The following DLG2 variants were observed in gnomAD, a reference collection of about 807,000 sequenced individuals.
The protein encoded by DLG2 is discs large MAGUK scaffold protein 2, also known as disks large homolog 2.
DLG2 carries 45 observed loss-of-function variants against 132.5 expected under a neutral mutation model. The ratio of observed to expected loss-of-function variants is 0.34; its 90% CI spans 0.27 to 0.44. DLG2 has a LOEUF of 0.44. DLG2 is among the 20% of genes least tolerant of loss of function. The pLI, the probability that DLG2 is intolerant of heterozygous loss-of-function variation, is 1.00. For missense variants in DLG2, 1,045 were observed against 1,196.9 expected, an observed-to-expected ratio of 0.87 and a Z score of 1.87; for synonymous variants, 424 against 419.6, an observed-to-expected ratio of 1.01 and a Z score of -0.13.
At chr11:84,081,488 C>A (rs987961664) in intron 10 of DLG2, among the ~76,000 whole-genome samples, 4 of 151,800 alleles carry the variant, frequency 2.6e-5, no homozygotes, top group African/African-American at 9.7e-5. Flanking sequence ...ATTTCAAACC[C>A]AGAAATATGT....
chr11:85,517,522 C>A (rs980741178), intron 3 of DLG2, among the ~76,000 whole-genome samples: 4 of 152,070 alleles, frequency 2.6e-5, no homozygotes, highest in Non-Finnish European at 5.9e-5. Context: ...TGATCATACA[C>A]ATAGAAAACC....
chr11:85,617,153 C>T (rs1253174414), intron 2 of DLG2, among the ~76,000 whole-genome samples: 1 of 152,224 alleles, frequency 6.6e-6, no homozygotes, highest in East Asian at 1.9e-4. Flanking sequence ...GTCCAGCTCA[C>T]GGATTACCTG....
intron 10 of DLG2, among the ~76,000 whole-genome samples, chr11:84,068,981 C>G (rs2096717866): frequency 6.6e-6 from 1 of 152,168 alleles, no homozygotes; most frequent in Non-Finnish European, 1.5e-5. Context: ...CTTAAGGACC[C>G]ACTGTCAGTC....
rs1025989928 is a variant in DLG2 at position 84,756,872 on chromosome 11, C to A, written c.358-222141G>T. Among the ~76,000 whole-genome samples, 24 of 152,038 alleles carry A rather than the reference C, an allele frequency of 1.6e-4. 1 individual carries two copies. The highest frequency in any genetic ancestry group is 1.0e-3 in the Admixed American group (16 of 15,254). On this transcript the variant is annotated intron_variant, in intron 6 of 27. Transcript: ENST00000376104. The stretch of plus-strand genomic sequence containing the variant: ...CCAGAGAAGCCAAAAGATTGAACAC[C>A]ACTGGTTAATTTCCCCTAAACTGGA...
intron 16 of DLG2, among the ~76,000 whole-genome samples, chr11:83,839,820 T>C (rs1565287311): frequency 1.3e-5 from 2 of 152,222 alleles, no homozygotes; most frequent in South Asian, 2.1e-4. Flanking sequence ...CATGGTTCAA[T>C]ACCGCATTCC....
chr11:84,707,431 G>T (rs1249763850), intron 6 of DLG2, among the ~76,000 whole-genome samples: 1 of 151,854 alleles, frequency 6.6e-6, no homozygotes, highest in African/African-American at 2.4e-5. Context: ...TGACATGGAG[G>T]TGTATGTGAA....
At chr11:84,339,504 C>G (rs1467285962) in intron 7 of DLG2, among the ~76,000 whole-genome samples, 1 of 152,068 alleles carries the variant, frequency 6.6e-6, no homozygotes, top group Non-Finnish European at 1.5e-5. Flanking sequence ...TTAAGAAAAT[C>G]CTAGAGCAGA....
At position 84,151,008 on chromosome 11, in the gene DLG2, C is replaced by G. The variant is rs534182732; in HGVS notation, c.624+12453G>C. ...TGGATGTGCTGCTGGATTCAGTTTG[C>G]TAGTATTTTGTTGAGAATTTTTGTA... On this transcript the variant is annotated intron_variant, in intron 9 of 27. Transcript: ENST00000376104. Among the ~76,000 whole-genome samples the G allele has an allele frequency of 7.9e-5, 12 of 152,204 alleles. No homozygotes were observed. In the South Asian group the frequency reaches 2.1e-3, roughly 26 times the overall value.
chr11:84,769,827 TAAAGAAAA>T, intron 6 of DLG2, among the ~76,000 whole-genome samples: 1 of 152,282 alleles, frequency 6.6e-6, no homozygotes. Flanking sequence ...TGCCTATTCC[TAAAGAAAA>T]TAAATTCCAA....
chr11:83,718,262 T>C (rs754017938), intron 18 of DLG2, among the ~76,000 whole-genome samples: 8 of 152,030 alleles, frequency 5.3e-5, no homozygotes, highest in East Asian at 1.9e-4. Context: ...TAAGGCCAGG[T>C]GCAATGGCTC....
At chr11:83,763,600 A>G (rs1320534899) in intron 18 of DLG2, among the ~76,000 whole-genome samples, 1 of 152,260 alleles carries the variant, frequency 6.6e-6, no homozygotes, top group African/African-American at 2.4e-5. Flanking sequence ...AATGATCACC[A>G]TATTTCATCA....
At chr11:84,367,818 TTTTC>T (rs1279040507) in intron 7 of DLG2, among the ~76,000 whole-genome samples, 4 of 152,094 alleles carry the variant, frequency 2.6e-5, no homozygotes, top group African/African-American at 4.8e-5. Flanking sequence ...AATAAATTTA[TTTTC>T]TTTATCAATT....
At chr11:84,827,047 G>A (rs2078411933) in intron 6 of DLG2, among the ~76,000 whole-genome samples, 1 of 151,714 alleles carries the variant, frequency 6.6e-6, no homozygotes, top group Non-Finnish European at 1.5e-5. Flanking sequence ...TGGCACTGTG[G>A]TGTGGTACGG....
intron 7 of DLG2, among the ~76,000 whole-genome samples, chr11:84,268,741 G>A (rs1026739301): frequency 3.3e-5 from 5 of 152,092 alleles, no homozygotes; most frequent in Non-Finnish European, 7.4e-5. Flanking sequence ...GATAACAGAC[G>A]TGAGCCACCG....
chr11:84,714,014 A>C (rs2060732277), intron 6 of DLG2, among the ~76,000 whole-genome samples: 1 of 152,144 alleles, frequency 6.6e-6, no homozygotes, highest in African/African-American at 2.4e-5. Flanking sequence ...TAAGTCATGT[A>C]TAAACCAAGG....
At chr11:83,877,248 A>G (rs941362340) in intron 15 of DLG2, among the ~76,000 whole-genome samples, 1 of 152,072 alleles carries the variant, frequency 6.6e-6, no homozygotes, top group Non-Finnish European at 1.5e-5. Context: ...TGTAATGAGC[A>G]TTTCTTTGTT....
intron 4 of DLG2, among the ~76,000 whole-genome samples, chr11:85,157,319 T>A (rs932909393): frequency 6.6e-6 from 1 of 152,164 alleles, no homozygotes; most frequent in Non-Finnish European, 1.5e-5. Context: ...AAGGATGAAG[T>A]CCTTTCATTG....
chr11:84,828,599 C>T (rs1045032639), intron 6 of DLG2, among the ~76,000 whole-genome samples: 1 of 151,760 alleles, frequency 6.6e-6, no homozygotes, highest in Non-Finnish European at 1.5e-5. Context: ...CATTGATCTT[C>T]TCATATTTAA....
intron 6 of DLG2, among the ~76,000 whole-genome samples, chr11:84,617,419 A>G (rs894415967): frequency 6.6e-6 from 1 of 152,098 alleles, no homozygotes; most frequent in African/African-American, 2.4e-5. Context: ...AGTCTTTGCT[A>G]TTATAAACAG....
Sources: allele counts gnomAD v4.1 joint callset (sites outside exome capture counted in the v4.1 genomes callset), GRCh38; gene constraint gnomAD v4.1.1; transcripts MANE v1.5; gene names NCBI Gene and HGNC (gene_info 2026-07-23, HGNC 2026-07-21).